The following MYOZ2 variants were observed in gnomAD, a reference collection of about 807,000 sequenced individuals.
MYOZ2 encodes the protein myozenin 2, also known as myozenin-2.
Under a neutral mutation model 25.4 loss-of-function variants are expected in MYOZ2, and 19 were observed. The ratio of observed to expected loss-of-function variants is 0.75; its 90% CI spans 0.52 to 1.10. The LOEUF (loss-of-function observed/expected upper bound fraction) is 1.10. MYOZ2 is among the 50% of genes least tolerant of loss of function. The pLI, the probability that MYOZ2 is intolerant of heterozygous loss-of-function variation, is 0.00. For missense variants in MYOZ2, 270 were observed against 317.9 expected (o/e 0.85, Z 1.15); for synonymous variants, 92 against 106.9 (o/e 0.86, Z 0.86).
At chr4:119,177,536 A>G (rs1392289429) in intron 5 of MYOZ2, among the ~76,000 whole-genome samples, 4 of 152,178 alleles carry the variant, frequency 2.6e-5, no homozygotes, top group Non-Finnish European at 5.9e-5. Flanking sequence ...CAAACATCCT[A>G]TACCTCACCC....
rs549641215 is a variant in MYOZ2, at chr4:119,158,741, A to G, written c.376+590A>G. Among the ~76,000 whole-genome samples the G allele has an allele frequency of 1.2e-3, 184 of 152,320 alleles. 2 individuals carry two copies. Among genetic ancestry groups the G allele is most frequent in the African/African-American group, 4.4e-3 (182 of 41,576 alleles). ...TGAAATCCTATTTGTATAGGACTGT[A>G]CAATTTATAAAGTGCTGTGATATAT... On this transcript the variant is annotated intron_variant, in intron 4 of 5. Transcript: ENST00000307128.
chr4:119,171,857 CAG>C (rs1741955730), intron 5 of MYOZ2, among the ~76,000 whole-genome samples: 1 of 150,684 alleles, frequency 6.6e-6, no homozygotes, highest in Non-Finnish European at 1.5e-5. Context: ...AACAAAAAAA[CAG>C]AAGAAAGAGA....
chr4:119,178,470 C>G (rs1742123052), intron 5 of MYOZ2, among the ~76,000 whole-genome samples: 1 of 152,174 alleles, frequency 6.6e-6, no homozygotes, highest in Non-Finnish European at 1.5e-5. Context: ...AAATGGGCTC[C>G]TTTTCCAATC....
chr4:119,178,478 A>G (rs1742123302), intron 5 of MYOZ2, among the ~76,000 whole-genome samples: 1 of 152,164 alleles, frequency 6.6e-6, no homozygotes, highest in African/African-American at 2.4e-5. Flanking sequence ...TCCTTTTCCA[A>G]TCTGCCCCAT....
In MYOZ2 at chr4:119,158,085, G is replaced by A. The variant is rs769463929; in HGVS notation, c.310G>A (p.Ala104Thr). ...TAACTTGGAAGGTGGTTCGCAGCAA[G>A]CCCCCTTGACTCCTCCCAACACCCC... ...GSNLEGGSQQ[A>T]PLTPPNTPDP... is the part of the protein sequence containing the mutation. Residue 104 changes from alanine to threonine, a missense_variant, in exon 4 of 6, where the codon GCC becomes ACC. Transcript: ENST00000307128. 1 of 1,613,938 alleles carries A rather than the reference G, an allele frequency of 6.2e-7. No individual in the cohort carries two copies. Among genetic ancestry groups the A allele is most frequent in the East Asian group, 2.2e-5 (1 of 44,876 alleles).
chr4:119,173,853 A>G (rs750278233), intron 5 of MYOZ2, among the ~76,000 whole-genome samples: 49 of 152,172 alleles, frequency 3.2e-4, no homozygotes, highest in Non-Finnish European at 5.6e-4. Context: ...CTGGGTGGGC[A>G]TGGGCTTGGC....
At chr4:119,178,386 C>G (rs1742121374) in intron 5 of MYOZ2, among the ~76,000 whole-genome samples, 1 of 152,178 alleles carries the variant, frequency 6.6e-6, no homozygotes, top group South Asian at 2.1e-4. Flanking sequence ...CACTCTGCCA[C>G]TGGACATCAC....
chr4:119,186,367 C>G lies in MYOZ2; in HGVS notation c.*167C>G. 1 of 601,450 alleles carries G rather than the reference C, an allele frequency of 1.7e-6. No homozygotes were observed. Among genetic ancestry groups the G allele is most frequent in the Non-Finnish European group, 2.9e-6 (1 of 347,628 alleles). The allele number at this position is 601,450 out of a possible 1,614,324, so 37.3% of individuals were successfully genotyped here. A position where few individuals can be genotyped will look rare whatever the true frequency, so the allele number is the denominator to read the frequency against. ...CAATCTCAGATCAAATACTAATAAA[C>G]AATTAGAAATCTTACTTTAAAAAAC... On this transcript the variant is annotated 3_prime_UTR_variant, in exon 6 of 6. Transcript: ENST00000307128.
chr4:119,149,082 A>G lies in MYOZ2; in HGVS notation c.77-1790A>G, dbSNP rs1039177502. Among the ~76,000 whole-genome samples the G allele has an allele frequency of 8.7e-4, 130 of 149,864 alleles. 1 individual carries two copies. The highest frequency in any genetic ancestry group is 3.1e-3 in the African/African-American group (128 of 41,226). On this transcript the variant is annotated intron_variant, in intron 2 of 5. Coordinates refer to ENST00000307128, the MANE Select transcript of MYOZ2 (RefSeq NM_016599.5). Reference sequence around the variant, plus strand: ...TCTTTTTCATCTGTTCTTATCTGACACTGCTCCAGCAGGAGTGCCAACTCA... The same window carrying G: ...TCTTTTTCATCTGTTCTTATCTGACGCTGCTCCAGCAGGAGTGCCAACTCA...
chr4:119,166,401 A>G (rs1159040071), intron 5 of MYOZ2, among the ~76,000 whole-genome samples: 1 of 151,994 alleles, frequency 6.6e-6, no homozygotes, highest in African/African-American at 2.4e-5. Flanking sequence ...TAAGAACTCA[A>G]AAAGTGAGGC....
At chr4:119,157,919 C>A in intron 3 of MYOZ2, 103 bp from the exon 4 acceptor site, 3 of 1,401,940 alleles carry the variant, frequency 2.1e-6, no homozygotes, top group Non-Finnish European at 3.0e-6. Context: ...AGCGACATTG[C>A]ATTTAAATTA....
At chr4:119,185,873 C>A (rs1742281893) in intron 5 of MYOZ2, 93 bp from the exon 6 acceptor site, 7 of 980,966 alleles carry the variant, frequency 7.1e-6, no homozygotes, top group Non-Finnish European at 6.2e-6. Context: ...TAAATACACC[C>A]ATAAAATCAT....
chr4:119,163,974 G>A (rs1011167864), intron 4 of MYOZ2, among the ~76,000 whole-genome samples: 1 of 152,098 alleles, frequency 6.6e-6, no homozygotes, highest in African/African-American at 2.4e-5. Flanking sequence ...AGAAAAAACT[G>A]TATAATTTGG....
rs769668877 is a variant in MYOZ2, at chr4:119,164,338, T to C, written c.504T>C (p.Pro168=). The C allele has an allele frequency of 2.5e-6, 4 of 1,613,970 alleles. No individual in the cohort carries two copies. In the African/African-American group the frequency reaches 4.0e-5, roughly 16 times the overall value. Residue 168 remains proline (P), a synonymous_variant, in exon 5 of 6, where the codon CCT becomes CCC. Transcript: ENST00000307128. ...CGGAGCTTTTAGAGGCTTTATATCC[T>C]AAACTTTTCAAGCCTGAAGGAAAGG... ...NDPELLEALY[P]KLFKPEGKAE... is the part of the protein sequence containing the mutation.
At chr4:119,173,740 A>G (rs1438713491) in intron 5 of MYOZ2, among the ~76,000 whole-genome samples, 4 of 152,176 alleles carry the variant, frequency 2.6e-5, no homozygotes, top group African/African-American at 9.6e-5. Flanking sequence ...GGGCTGGACA[A>G]GGCCGGCGCC....
At chr4:119,138,931 A>T (rs1450463285) in intron 2 of MYOZ2, among the ~76,000 whole-genome samples, 1 of 152,118 alleles carries the variant, frequency 6.6e-6, no homozygotes, top group East Asian at 1.9e-4. Context: ...AAGAACCAGA[A>T]ATGGGGAGTT....
At chr4:119,155,794 G>A (rs963710323) in intron 3 of MYOZ2, among the ~76,000 whole-genome samples, 2 of 152,162 alleles carry the variant, frequency 1.3e-5, no homozygotes, top group Non-Finnish European at 2.9e-5. Context: ...AAAATGCTTG[G>A]TGGAAAATGA....
At chr4:119,165,098 A>C (rs1741793773) in intron 5 of MYOZ2, among the ~76,000 whole-genome samples, 1 of 149,992 alleles carries the variant, frequency 6.7e-6, no homozygotes, top group African/African-American at 2.5e-5. Flanking sequence ...TCACACTCAA[A>C]AAAAGTTAGA....
In MYOZ2 at chr4:119,158,227, T is replaced by G; in HGVS notation, c.376+76T>G. ...ATATGACTCAAGGCATTTAAAGCCT[T>G]TATTGAATAGTATTTAAATAATATA... On this transcript the variant is annotated intron_variant, in intron 4 of 5. Transcript: ENST00000307128. 3.9e-6 allele frequency: 6 copies of G among 1,548,994 alleles called. No homozygotes were observed. In the South Asian group the frequency reaches 4.5e-5, roughly 12 times the overall value.
Sources: allele counts gnomAD v4.1 joint callset (sites outside exome capture counted in the v4.1 genomes callset), GRCh38; gene constraint gnomAD v4.1.1; transcripts MANE v1.5; gene names NCBI Gene and HGNC (gene_info 2026-07-23, HGNC 2026-07-21).